Variants in OPCML observed in about 807,000 individuals in gnomAD.
The protein encoded by OPCML is opioid binding protein/cell adhesion molecule like.
A neutral mutation model predicts 37.8 loss-of-function variants in OPCML; 13 were observed. The ratio of observed to expected loss-of-function variants is 0.34; its 90% CI spans 0.22 to 0.55. The LOEUF (loss-of-function observed/expected upper bound fraction) is 0.55. OPCML is among the 20% of genes least tolerant of loss of function. OPCML has a pLI of 0.91. For missense variants in OPCML, 341 were observed against 435.6 expected (o/e 0.78, Z 1.93); for synonymous variants, 176 against 168.8 (o/e 1.04, Z -0.33).
intron 1 of OPCML, among the ~76,000 whole-genome samples, chr11:133,200,884 A>G (rs1318519204): frequency 2.6e-5 from 4 of 152,190 alleles, no homozygotes; most frequent in Non-Finnish European, 5.9e-5. Flanking sequence ...TCCACCTAGA[A>G]GGCCATCAAC....
At chr11:133,434,103 C>CA (rs1007286151) in intron 1 of OPCML, among the ~76,000 whole-genome samples, 8 of 151,854 alleles carry the variant, frequency 5.3e-5, no homozygotes, top group African/African-American at 1.2e-4. Context: ...ACCATATTTC[C>CA]AAAAAAAGGA....
intron 4 of OPCML, among the ~76,000 whole-genome samples, chr11:132,454,858 T>G (rs1485610832): frequency 6.6e-6 from 1 of 152,206 alleles, no homozygotes; most frequent in African/African-American, 2.4e-5. Flanking sequence ...GATGTGATTT[T>G]CAGTCTAAAA....
Position 132,568,685 on chromosome 11 carries a change from C to T in OPCML, c.380-39499G>A, listed in dbSNP as rs114700593. On this transcript the variant is annotated intron_variant, in intron 3 of 7. Coordinates refer to ENST00000524381, the MANE Select transcript of OPCML (RefSeq NM_001012393.5). Reference sequence around the variant, plus strand: ...CCTGGAACCTCAGAGAAGAATGGTCCTGCCAACACCTGGATTTTAGACTTC... The same window carrying T: ...CCTGGAACCTCAGAGAAGAATGGTCTTGCCAACACCTGGATTTTAGACTTC... 2.2e-3 allele frequency among the ~76,000 whole-genome samples: 339 copies of T among 152,294 alleles called. 5 individuals are homozygous for T. Among genetic ancestry groups the T allele is most frequent in the African/African-American group, 7.9e-3 (329 of 41,554 alleles).
chr11:132,532,271 C>T (rs1196940298), intron 3 of OPCML, among the ~76,000 whole-genome samples: 1 of 152,070 alleles, frequency 6.6e-6, no homozygotes, highest in Non-Finnish European at 1.5e-5. Flanking sequence ...TCTGTAGCTC[C>T]GTCATGTTCT....
chr11:132,452,572 C>T (rs535768132), intron 4 of OPCML, among the ~76,000 whole-genome samples: 2 of 149,922 alleles, frequency 1.3e-5, no homozygotes, highest in South Asian at 4.5e-4. Context: ...TTCCTTCCTG[C>T]CTGCCTTCCT....
At chr11:133,241,906 C>A (rs72653408) in intron 1 of OPCML, among the ~76,000 whole-genome samples, 19,751 of 152,216 alleles carry the variant, frequency 0.13, 2,217 homozygotes, top group East Asian at 0.55. Context: ...CCTATCCTAC[C>A]GGGCTAGCTT....
intron 4 of OPCML, among the ~76,000 whole-genome samples, chr11:132,516,514 T>A (rs1196892217): frequency 6.6e-6 from 1 of 152,156 alleles, no homozygotes; most frequent in African/African-American, 2.4e-5. Flanking sequence ...ATGTAAGTCA[T>A]TTGTGTTCTT....
At chr11:132,804,445 C>T (rs964448933) in intron 2 of OPCML, among the ~76,000 whole-genome samples, 10 of 152,092 alleles carry the variant, frequency 6.6e-5, no homozygotes, top group Admixed American at 2.0e-4. Flanking sequence ...TGAGGGAGTC[C>T]CCCACTGAGC....
At chr11:132,727,725 CT>C (rs1279137816) in intron 2 of OPCML, among the ~76,000 whole-genome samples, 1 of 152,216 alleles carries the variant, frequency 6.6e-6, no homozygotes, top group Non-Finnish European at 1.5e-5. Context: ...GCTCTGGAAT[CT>C]CCAGTCGGGA....
At chr11:133,474,636 T>C (rs568806469) in intron 1 of OPCML, among the ~76,000 whole-genome samples, 1 of 152,284 alleles carries the variant, frequency 6.6e-6, no homozygotes, top group African/African-American at 2.4e-5. Flanking sequence ...CCATGATTCC[T>C]GGAGAGGTGG....
At position 132,734,183 on chromosome 11, in the gene OPCML, T is replaced by C. The variant is rs549774470; in HGVS notation, c.147-76864A>G. ...TATACACACAATGGAGCTTCAGATTTTAAGATAAAGAATCTTTGTGATAGC... is the reference window on the plus strand; with the variant it reads ...TATACACACAATGGAGCTTCAGATTCTAAGATAAAGAATCTTTGTGATAGC... On this transcript the variant is annotated intron_variant, in intron 2 of 7. Transcript: ENST00000524381. Among the ~76,000 whole-genome samples the C allele has an allele frequency of 7.2e-5, 11 of 152,316 alleles. No homozygotes were observed. The East Asian group carries it at 1.4e-3, about 19-fold the overall frequency.
intron 1 of OPCML, among the ~76,000 whole-genome samples, chr11:133,126,623 T>TA (rs1949519809): frequency 6.6e-6 from 1 of 152,190 alleles, no homozygotes; most frequent in African/African-American, 2.4e-5. Context: ...ATCTTACAGA[T>TA]ACACTTTAAG....
chr11:132,841,357 G>A (rs2136302996), intron 2 of OPCML, among the ~76,000 whole-genome samples: 1 of 152,278 alleles, frequency 6.6e-6, no homozygotes, highest in African/African-American at 2.4e-5. Context: ...TCTAATTGAG[G>A]AGCAGGAGAG....
chr11:133,431,786 A>AT (rs1433199663), intron 1 of OPCML, among the ~76,000 whole-genome samples: 58 of 147,956 alleles, frequency 3.9e-4, no homozygotes, highest in African/African-American at 1.3e-3. Context: ...TATTTTATAT[A>AT]TATATATAAA....
At chr11:132,866,031 C>A (rs987815474) in intron 2 of OPCML, among the ~76,000 whole-genome samples, 1 of 151,742 alleles carries the variant, frequency 6.6e-6, no homozygotes, top group African/African-American at 2.4e-5. Flanking sequence ...TTGGAGCACT[C>A]TTTAGTTCAG....
At chr11:133,466,801 G>A (rs1379165848) in intron 1 of OPCML, among the ~76,000 whole-genome samples, 1 of 152,174 alleles carries the variant, frequency 6.6e-6, no homozygotes, top group East Asian at 1.9e-4. Context: ...AGAAGGCAGT[G>A]TCCCTAGCTA....
chr11:133,368,246 TG>T (rs10718404), intron 1 of OPCML, among the ~76,000 whole-genome samples: 106,502 of 135,026 alleles, frequency 0.79, 40,351 homozygotes, highest in East Asian at 0.93. Context: ...AAAGGTGAGG[TG>T]GGGGGGGGAA....
chr11:133,324,735 T>C (rs544916266), intron 1 of OPCML, among the ~76,000 whole-genome samples: 142 of 152,310 alleles, frequency 9.3e-4, no homozygotes, highest in African/African-American at 3.2e-3. Flanking sequence ...GCTGAGAATG[T>C]TTTATTCTTC....
intron 2 of OPCML, among the ~76,000 whole-genome samples, chr11:132,915,978 T>C (rs1214147158): frequency 1.3e-5 from 2 of 152,214 alleles, no homozygotes; most frequent in South Asian, 2.1e-4. Flanking sequence ...TTTTCCTTTA[T>C]TGCTTTTGGG....
Sources: gnomAD v4.1 joint callset for allele counts (sites outside exome capture counted in the v4.1 genomes callset) on GRCh38, gnomAD v4.1.1 for gene constraint, MANE v1.5 for transcripts, NCBI Gene and HGNC (gene_info 2026-07-23, HGNC 2026-07-21) for gene names.